Variants in CAMK1D observed in about 807,000 individuals in gnomAD.
The protein encoded by CAMK1D is calcium/calmodulin-dependent protein kinase type 1D.
In CAMK1D, 9 loss-of-function variants were observed where a neutral mutation model predicts 47.7. The ratio of observed to expected loss-of-function variants is 0.19; its 90% CI spans 0.11 to 0.33. CAMK1D has a LOEUF of 0.33. Ranked by LOEUF, CAMK1D falls within the 10% of genes least tolerant of loss-of-function variation. CAMK1D has a pLI of 1.00. For missense variants in CAMK1D, 291 were observed against 488.7 expected (o/e 0.60, Z 3.81); for synonymous variants, 184 against 184.9 (o/e 0.99, Z 0.04).
chr10:12,499,495 T>C (rs10737060), intron 1 of CAMK1D, among the ~76,000 whole-genome samples: 74,823 of 152,042 alleles, frequency 0.49, 19,356 homozygotes, highest in East Asian at 0.8. Context: ...TTTGATGTGG[T>C]TGGCCCTGAG....
In CAMK1D at chr10:12,534,673, C is replaced by T. The variant is rs1835913264; in HGVS notation, c.93-18552C>T. On this transcript the variant is annotated intron_variant, in intron 1 of 10. Transcript: ENST00000619168. ...GAGCCACAGCGCCTGGCCAAACCTC[C>T]ACATTTTAATAGCTTAACAAAATAA... Among the ~76,000 whole-genome samples the T allele has an allele frequency of 3.9e-5, 6 of 152,278 alleles. No homozygotes were observed. The South Asian group carries it at 1.2e-3, about 32-fold the overall frequency.
At chr10:12,751,920 TAGAC>T (rs1216821868) in intron 3 of CAMK1D, among the ~76,000 whole-genome samples, 1 of 151,812 alleles carries the variant, frequency 6.6e-6, no homozygotes, top group South Asian at 2.1e-4. Flanking sequence ...GGCTGAGCAA[TAGAC>T]AGGCAATATT....
At chr10:12,677,972 T>A (rs979638473) in intron 3 of CAMK1D, among the ~76,000 whole-genome samples, 1 of 152,134 alleles carries the variant, frequency 6.6e-6, no homozygotes. Flanking sequence ...TTGTTCTTTA[T>A]TTTTTCTGCC....
In CAMK1D at chr10:12,659,585, C is replaced by G. The variant is rs1287477153; in HGVS notation, c.225-7151C>G. ...TATCCCAATTTTCTCAGCATTATTT[C>G]CCACACTGATTATAATGTGAGAAAA... On this transcript the variant is annotated intron_variant, in intron 2 of 10. Coordinates refer to ENST00000619168, the MANE Select transcript of CAMK1D (RefSeq NM_153498.4). 2.0e-5 allele frequency among the ~76,000 whole-genome samples: 3 copies of G among 152,162 alleles called. No individual in the cohort carries two copies. The East Asian group carries it at 5.8e-4, about 29-fold the overall frequency.
intron 1 of CAMK1D, among the ~76,000 whole-genome samples, chr10:12,478,793 C>T (rs147172057): frequency 6.6e-6 from 1 of 152,142 alleles, no homozygotes; most frequent in Non-Finnish European, 1.5e-5. Context: ...CTCTCTCATG[C>T]TCTCCTTTAA....
chr10:12,704,597 A>G (rs997304754), intron 3 of CAMK1D, among the ~76,000 whole-genome samples: 1 of 152,224 alleles, frequency 6.6e-6, no homozygotes, highest in Non-Finnish European at 1.5e-5. Flanking sequence ...AGAATGATTC[A>G]TCAAGTTTTG....
At chr10:12,735,482 A>G (rs1048485529) in intron 3 of CAMK1D, among the ~76,000 whole-genome samples, 1 of 152,232 alleles carries the variant, frequency 6.6e-6, no homozygotes, top group Admixed American at 6.5e-5. Context: ...CGTCTCAAAA[A>G]AAAAAGAAAA....
intron 9 of CAMK1D, among the ~76,000 whole-genome samples, chr10:12,824,955 C>G (rs549500461): frequency 6.6e-6 from 1 of 152,266 alleles, no homozygotes; most frequent in South Asian, 2.1e-4. Context: ...TTGTGATCAT[C>G]TGTTGATTAC....
At chr10:12,519,023 G>GC (rs1391624302) in intron 1 of CAMK1D, among the ~76,000 whole-genome samples, 9 of 114,224 alleles carry the variant, frequency 7.9e-5, no homozygotes, top group Admixed American at 1.7e-4. Flanking sequence ...AGACGGGGTG[G>GC]TGGCCGGGCA....
At chr10:12,406,322 T>A (rs1839423285) in intron 1 of CAMK1D, among the ~76,000 whole-genome samples, 1 of 151,994 alleles carries the variant, frequency 6.6e-6, no homozygotes, top group Non-Finnish European at 1.5e-5. Flanking sequence ...CAAAACAAAT[T>A]CCAGGTATTA....
chr10:12,408,844 C>T (rs1236154502), intron 1 of CAMK1D, among the ~76,000 whole-genome samples: 1 of 112,178 alleles, frequency 8.9e-6, no homozygotes, highest in Non-Finnish European at 1.9e-5. Context: ...TTCTTTCTTT[C>T]TTTCTTTTTT....
At chr10:12,548,521 G>A (rs920620298) in intron 1 of CAMK1D, among the ~76,000 whole-genome samples, 3 of 137,194 alleles carry the variant, frequency 2.2e-5, no homozygotes, top group African/African-American at 8.3e-5. Flanking sequence ...CTGAAGTACA[G>A]TGCCGTGATC....
At chr10:12,513,644 T>C (rs1206947367) in intron 1 of CAMK1D, among the ~76,000 whole-genome samples, 2 of 151,198 alleles carry the variant, frequency 1.3e-5, no homozygotes, top group Non-Finnish European at 2.9e-5. Context: ...AAAAGAAAAA[T>C]TAAAAAATGA....
intron 5 of CAMK1D, among the ~76,000 whole-genome samples, chr10:12,787,721 G>A (rs1205715859): frequency 1.3e-5 from 2 of 152,226 alleles, no homozygotes; most frequent in African/African-American, 4.8e-5. Context: ...GTCACCAGAG[G>A]CCGGGCGCGG....
chr10:12,792,452 ACC>A (rs1838016962), intron 6 of CAMK1D, among the ~76,000 whole-genome samples: 1 of 152,096 alleles, frequency 6.6e-6, no homozygotes, highest in African/African-American at 2.4e-5. Flanking sequence ...CCATTTCATC[ACC>A]CCCAAGGAGA....
At chr10:12,648,825 CAG>C (rs1331460533) in intron 2 of CAMK1D, among the ~76,000 whole-genome samples, 12 of 152,110 alleles carry the variant, frequency 7.9e-5, no homozygotes, top group Admixed American at 7.9e-4. Context: ...GTGTAGAAAT[CAG>C]GGGCTAGTGT....
intron 1 of CAMK1D, among the ~76,000 whole-genome samples, chr10:12,393,851 C>T (rs1399064103): frequency 6.6e-6 from 1 of 152,230 alleles, no homozygotes; most frequent in Admixed American, 6.5e-5. Flanking sequence ...GCAGCTTACG[C>T]TCCACACCTC....
At chr10:12,674,685 T>C (rs1564483327) in intron 3 of CAMK1D, among the ~76,000 whole-genome samples, 1 of 144,562 alleles carries the variant, frequency 6.9e-6, no homozygotes, top group Non-Finnish European at 1.5e-5. Context: ...GGAGAAGTGA[T>C]AGATGGAAAG....
chr10:12,754,208 C>G (rs547070615), intron 3 of CAMK1D, among the ~76,000 whole-genome samples: 19 of 152,136 alleles, frequency 1.2e-4, no homozygotes, highest in Non-Finnish European at 2.6e-4. Context: ...CCTTTTAAGA[C>G]AGCTGAGATC....
Sources: allele counts gnomAD v4.1 joint callset (sites outside exome capture counted in the v4.1 genomes callset), GRCh38; gene constraint gnomAD v4.1.1; transcripts MANE v1.5; gene names NCBI Gene and HGNC (gene_info 2026-07-23, HGNC 2026-07-21).